EYA2: variants seen among roughly 807,000 people sequenced by gnomAD.
EYA2 encodes the protein protein phosphatase EYA2.
In EYA2, 31 loss-of-function variants were observed where a neutral mutation model predicts 69.2. The ratio of observed to expected loss-of-function variants is 0.45; its 90% confidence interval spans 0.34 to 0.60. The LOEUF (loss-of-function observed/expected upper bound fraction) is 0.60. Among genes scored for constraint, EYA2 ranks in the 20% least tolerant of loss-of-function variants. The pLI is 0.02. For missense variants in EYA2, 622 were observed against 701.2 expected (o/e 0.89, Z 1.28); for synonymous variants, 257 against 279.4 (o/e 0.92, Z 0.80).
rs143013356 is a variant in EYA2 at position 47,120,935 on chromosome 20, C to T, written c.889-22124C>T. On this transcript the variant is annotated intron_variant, in intron 9 of 15. Coordinates refer to ENST00000327619, the MANE Select transcript of EYA2 (RefSeq NM_005244.5). ...CTCATCGAATGGGTTGGAAGTGTTC[C>T]CTCCTCATTAGTTTCTTGAAGAGAT... Among the ~76,000 whole-genome samples, 892 of 152,216 alleles carry T rather than the reference C, an allele frequency of 5.9e-3. 11 individuals are homozygous for T. The highest frequency in any genetic ancestry group is 0.02 in the African/African-American group (812 of 41,530).
rs753489109 is a variant in EYA2 at position 46,989,952 on chromosome 20, A to G, written c.-10-49A>G. The G allele has an allele frequency of 4.6e-5, 41 of 882,330 alleles. No homozygotes were observed. The Admixed American group carries it at 6.9e-4, about 15-fold the overall frequency. 54.7% of individuals were successfully genotyped at this position (882,330 alleles called of 1,614,324 possible). A position where few individuals can be genotyped will look rare whatever the true frequency, so the allele number is the denominator to read the frequency against. On this transcript the variant is annotated intron_variant, in intron 1 of 15. Transcript: ENST00000327619. ...GGGAAAGAAATAGGAATCATTAGCAAGCATGCATAATTAATGAATAAATTA... is the reference window on the plus strand; with the variant it reads ...GGGAAAGAAATAGGAATCATTAGCAGGCATGCATAATTAATGAATAAATTA...
chr20:47,116,950 C>G (rs2032910714), intron 9 of EYA2, among the ~76,000 whole-genome samples: 1 of 151,188 alleles, frequency 6.6e-6, no homozygotes, highest in Non-Finnish European at 1.5e-5. Flanking sequence ...GGCAGAAATG[C>G]AGAGTCTCAG....
At chr20:47,042,838 G>A (rs963574746) in intron 5 of EYA2, among the ~76,000 whole-genome samples, 4 of 152,208 alleles carry the variant, frequency 2.6e-5, no homozygotes, top group African/African-American at 9.6e-5. Flanking sequence ...GCAAGAAGGA[G>A]CAATGCCACA....
intron 5 of EYA2, among the ~76,000 whole-genome samples, chr20:47,059,294 G>T (rs1455324507): frequency 6.6e-6 from 1 of 152,084 alleles, no homozygotes; most frequent in Non-Finnish European, 1.5e-5. Context: ...CAGACTACAG[G>T]CTCGAGGGGC....
intron 1 of EYA2, among the ~76,000 whole-genome samples, chr20:46,919,445 C>T (rs6018175): frequency 0.021 from 3,196 of 152,348 alleles, 127 homozygotes; most frequent in African/African-American, 0.073. Context: ...CTTGCTGCTT[C>T]GCCTTGCACT....
chr20:46,994,751 C>T (rs1305744825), intron 2 of EYA2, among the ~76,000 whole-genome samples: 1 of 151,720 alleles, frequency 6.6e-6, no homozygotes, highest in South Asian at 2.1e-4. Context: ...ACAGAAATCC[C>T]GCTTTGTGGG....
intron 1 of EYA2, among the ~76,000 whole-genome samples, chr20:46,927,462 A>G (rs1271300888): frequency 3.3e-5 from 5 of 152,252 alleles, no homozygotes; most frequent in Non-Finnish European, 7.3e-5. Context: ...GGTAATTTAT[A>G]AAGAAAAAGA....
At chr20:47,176,921 A>T (rs1401790763) in intron 12 of EYA2, among the ~76,000 whole-genome samples, 2 of 151,408 alleles carry the variant, frequency 1.3e-5, no homozygotes, top group Non-Finnish European at 2.9e-5. Flanking sequence ...CCTCCCAAGT[A>T]GCTGGGAATA....
At position 47,016,167 on chromosome 20, in the gene EYA2, C is replaced by T. The variant is rs1568725657; in HGVS notation, c.299-14C>T. 6.3e-7 allele frequency: 1 copy of T among 1,597,822 alleles called. No homozygotes were observed. The highest frequency in any genetic ancestry group is 2.2e-5 in the East Asian group (1 of 44,822). On this transcript the variant is annotated splice_polypyrimidine_tract_variant and intron_variant, in intron 4 of 15. Coordinates refer to ENST00000327619, the MANE Select transcript of EYA2 (RefSeq NM_005244.5). ...GTGTCCTTGGTCCTTTTTTTTCCCC[C>T]TCTTCCTTCAAAGGCATCAAGACAG...
At chr20:46,949,487 GTCCAGGGT>G (rs1978670546) in intron 1 of EYA2, among the ~76,000 whole-genome samples, 1 of 152,156 alleles carries the variant, frequency 6.6e-6, no homozygotes, top group Admixed American at 6.5e-5. Context: ...GGAACTGAGA[GTCCAGGGT>G]CAGAGCTCAG....
At chr20:47,185,276 CTTTTTTTTTTTTTTTTTTTTTTTTTTTT>C (rs765083065) in intron 15 of EYA2, among the ~76,000 whole-genome samples, 2 of 55,932 alleles carry the variant, frequency 3.6e-5, no homozygotes, top group South Asian at 8.3e-4. Context: ...GAATCACACT[CTTTTTTTTTTTTTTTTTTTTTTTTTTTT>C]TTTTTTTTTT....
intron 2 of EYA2, among the ~76,000 whole-genome samples, chr20:46,991,963 C>T (rs1235453674): frequency 1.3e-4 from 6 of 45,596 alleles, no homozygotes; most frequent in Non-Finnish European, 2.6e-4. Context: ...CGTGAGACTC[C>T]GTCTCAAAAA....
chr20:46,992,252 C>G (rs982532787), intron 2 of EYA2, among the ~76,000 whole-genome samples: 8 of 152,160 alleles, frequency 5.3e-5, no homozygotes, highest in Non-Finnish European at 1.2e-4. Flanking sequence ...CTTCACAACT[C>G]TAAAAAGTGG....
chr20:46,986,603 C>T (rs867482708), intron 1 of EYA2, among the ~76,000 whole-genome samples: 47 of 151,946 alleles, frequency 3.1e-4, no homozygotes, highest in African/African-American at 1.1e-3. Flanking sequence ...TTATTTGGCT[C>T]ACGGTTCTGC....
At chr20:46,982,932 C>T (rs1256739907) in intron 1 of EYA2, among the ~76,000 whole-genome samples, 1 of 151,568 alleles carries the variant, frequency 6.6e-6, no homozygotes, top group African/African-American at 2.4e-5. Flanking sequence ...TGCCACCACA[C>T]CTGGCTAATT....
At chr20:46,932,251 C>T (rs376315286) in intron 1 of EYA2, among the ~76,000 whole-genome samples, 4 of 152,184 alleles carry the variant, frequency 2.6e-5, no homozygotes, top group African/African-American at 7.2e-5. Flanking sequence ...CTCCACCTGG[C>T]GTACCCTCTT....
At position 47,102,890 on chromosome 20, in the gene EYA2, T is replaced by C. The variant is rs570090918; in HGVS notation, c.888+5722T>C. Reference sequence around the variant, plus strand: ...CTCCGCAGTCTCTGAACTCTGTTTTTTTCCAGCTGGTATTAGGCAAATGCA... The same window carrying C: ...CTCCGCAGTCTCTGAACTCTGTTTTCTTCCAGCTGGTATTAGGCAAATGCA... On this transcript the variant is annotated intron_variant, in intron 9 of 15. Transcript: ENST00000327619. 2.7e-5 allele frequency among the ~76,000 whole-genome samples: 4 copies of C among 147,748 alleles called. No homozygotes were observed. The South Asian group carries it at 8.8e-4, about 32-fold the overall frequency.
At chr20:47,006,142 A>G (rs980121330) in intron 4 of EYA2, among the ~76,000 whole-genome samples, 5 of 152,128 alleles carry the variant, frequency 3.3e-5, no homozygotes, top group Non-Finnish European at 5.9e-5. Flanking sequence ...GTGTCCCCCA[A>G]AAAGAGAGCC....
intron 10 of EYA2, among the ~76,000 whole-genome samples, chr20:47,157,904 G>A (rs1425289554): frequency 6.6e-6 from 1 of 151,914 alleles, no homozygotes. Flanking sequence ...GAAAAAGATG[G>A]AATGCTCTCC....
Sources: allele counts gnomAD v4.1 joint callset (sites outside exome capture counted in the v4.1 genomes callset), GRCh38; gene constraint gnomAD v4.1.1; transcripts MANE v1.5; gene names NCBI Gene and HGNC (gene_info 2026-07-23, HGNC 2026-07-21).